MRM1: variants seen among roughly 807,000 people sequenced by gnomAD.
The protein encoded by MRM1 is mitochondrial rRNA methyltransferase 1, also known as rRNA methyltransferase 1, mitochondrial.
MRM1 carries 24 observed loss-of-function variants against 25.0 expected under a neutral mutation model. That is an observed-to-expected ratio of 0.96 (90% CI 0.69 to 1.35). The LOEUF is 1.35. Among genes scored for constraint, MRM1 ranks in the 40% most tolerant of loss-of-function variants. The pLI, the probability that MRM1 is intolerant of heterozygous loss-of-function variation, is 0.00. For synonymous variants in MRM1, 188 were observed against 199.2 expected, an observed-to-expected ratio of 0.94 and a Z score of 0.47; for missense variants, 431 against 464.1, an observed-to-expected ratio of 0.93 and a Z score of 0.65.
Position 36,601,587 on chromosome 17 carries a change from C to A in MRM1, c.-224C>A. On this transcript the variant is annotated 5_prime_UTR_variant, in exon 1 of 5. Coordinates refer to ENST00000614766, the MANE Select transcript of MRM1 (RefSeq NM_024864.5). ...GCCGGGGAGGGGCGGGCTCCCGAAC[C>A]CGGAAGCGAGGGACCCACGTGGGAG... The A allele has an allele frequency of 2.2e-6, 1 of 461,952 alleles. No individual in the cohort carries two copies. Among genetic ancestry groups the A allele is most frequent in the Non-Finnish European group, 3.8e-6 (1 of 266,642 alleles). 28.6% of individuals were successfully genotyped at this position (461,952 alleles called of 1,614,324 possible).
the MRM1 span, among the ~76,000 whole-genome samples, chr17:36,624,549 C>T: frequency 6.6e-6 from 1 of 152,188 alleles, no homozygotes; most frequent in African/African-American, 2.4e-5. This position sits in a 1 kb window ranked among gnomAD's most constrained non-coding sequence, Gnocchi z 4.0. Flanking sequence ...GCATGAGCAT[C>T]CATGAGCACG....
chr17:36,606,607 C>CTTT (rs71159627), intron 2 of MRM1, among the ~76,000 whole-genome samples: 7 of 142,812 alleles, frequency 4.9e-5, no homozygotes, highest in African/African-American at 1.8e-4. Flanking sequence ...TCAGGCTAGT[C>CTTT]TTTTTTTTTT....
chr17:36,602,251 G>A lies in MRM1; in HGVS notation c.441G>A (p.Trp147Ter), dbSNP rs780693186. 6.2e-7 allele frequency: 1 copy of A among 1,608,760 alleles called. No homozygotes were observed. The highest frequency in any genetic ancestry group is 8.5e-7 in the Non-Finnish European group (1 of 1,176,938). Residue 147 changes from tryptophan to a stop codon, truncating the protein, a stop_gained, in exon 1 of 5, where the codon TGG (tryptophan) becomes TGA (stop). Transcript: ENST00000614766. LOFTEE classifies it high-confidence loss of function. The surrounding 1 kb of genome is among the most constrained non-coding windows in gnomAD (Gnocchi z 4.1). ...ASPGDDPQQLWLVLDGIQDPR... is the reference protein window; with the variant it reads ...ASPGDDPQQL The stretch of plus-strand genomic sequence containing the variant: ...CAGGCGACGACCCCCAGCAGTTGTG[G>A]CTCGTCCTCGATGGGATCCAGGATC...
chr17:36,622,608 G>A, the MRM1 span, among the ~76,000 whole-genome samples: 1 of 152,046 alleles, frequency 6.6e-6, no homozygotes, highest in South Asian at 2.1e-4. Flanking sequence ...TCATATGGGG[G>A]CATCATTTCA....
chr17:36,609,120 C>T (rs2074958267), downstream of MRM1: 1 of 152,394 alleles, frequency 6.6e-6, no homozygotes, highest in East Asian at 1.9e-4. Context: ...CCCACGGGGG[C>T]CCCCCACGGG....
At chr17:36,613,869 G>A (rs915966360), downstream of MRM1, among the ~76,000 whole-genome samples, 4 of 152,004 alleles carry the variant, frequency 2.6e-5, no homozygotes, top group African/African-American at 9.7e-5. Context: ...AGACAGTGCC[G>A]GCTCCACATG....
chr17:36,629,431 G>C, the MRM1 span, among the ~76,000 whole-genome samples: 1 of 152,220 alleles, frequency 6.6e-6, no homozygotes, highest in Admixed American at 6.5e-5. Flanking sequence ...GCAGGCAGGG[G>C]TGCAGTGCCC....
At chr17:36,607,032 A>G (rs2074936132) in intron 2 of MRM1, among the ~76,000 whole-genome samples, 1 of 151,332 alleles carries the variant, frequency 6.6e-6, no homozygotes, top group Non-Finnish European at 1.5e-5. Context: ...CTCCTGCCTC[A>G]GCCTCCTGAG....
Position 36,601,942 on chromosome 17 carries a change from G to A in MRM1, c.132G>A (p.Val44=). Residue 44 remains valine (V), a synonymous_variant, in exon 1 of 5, where the codon GTG becomes GTA. Transcript: ENST00000614766. ...GCCGCTTGCTGCTGGATGACCTGGT[G>A]CCGACCTCTCGGCTGGAGCTTCTGT... ...ELSRLLLDDL[V]PTSRLELLFG... The A allele has an allele frequency of 1.2e-6, 2 of 1,613,106 alleles. No individual in the cohort carries two copies. The highest frequency in any genetic ancestry group is 1.7e-6 in the Non-Finnish European group (2 of 1,179,868).
chr17:36,603,405 A>G (rs950482528), intron 2 of MRM1: 4 of 172,608 alleles, frequency 2.3e-5, no homozygotes, highest in African/African-American at 4.8e-5. Flanking sequence ...ATTATTATTA[A>G]TATTATTAAT....
At chr17:36,630,088 C>T in the MRM1 span, among the ~76,000 whole-genome samples, 1 of 152,224 alleles carries the variant, frequency 6.6e-6, no homozygotes, top group Non-Finnish European at 1.5e-5. Context: ...CTAATCGTTT[C>T]TGCTTTCAGA....
chr17:36,604,856 T>C (rs1286936873), intron 2 of MRM1, among the ~76,000 whole-genome samples: 1 of 150,624 alleles, frequency 6.6e-6, no homozygotes, highest in Non-Finnish European at 1.5e-5. Flanking sequence ...AGATGGGGTC[T>C]TGGCCAGGCA....
the MRM1 span, among the ~76,000 whole-genome samples, chr17:36,633,756 G>A: frequency 6.6e-6 from 1 of 152,104 alleles, no homozygotes; most frequent in African/African-American, 2.4e-5. Flanking sequence ...AGCAGTCCCC[G>A]ATAGCAGCAG....
chr17:36,611,108 C>G (rs2074974496), downstream of MRM1, among the ~76,000 whole-genome samples: 1 of 152,230 alleles, frequency 6.6e-6, no homozygotes, highest in Non-Finnish European at 1.5e-5. Flanking sequence ...CACTACCATG[C>G]CCAGCCGATA....
Position 36,602,168 on chromosome 17 carries a change from T to G in MRM1, c.358T>G (p.Cys120Gly). ...MCRYQVHQGV[C>G]MEVSPLRPRP... ...CCGCTACCAGGTCCACCAGGGTGTC[T>G]GCATGGAGGTGAGCCCGCTGCGGCC... The change falls in exon 1 of 5, where the codon TGC (cysteine) becomes GGC (glycine). Residue 120 changes from cysteine (C) to glycine (G), a missense_variant. Physicochemically the swap from Cys to Gly is radical, Grantham distance 159. Transcript: ENST00000614766. The surrounding 1 kb of genome is among the most constrained non-coding windows in gnomAD (Gnocchi z 4.1). 2 of 1,612,246 alleles carry G rather than the reference T, an allele frequency of 1.2e-6. No homozygotes were observed. Among genetic ancestry groups the G allele is most frequent in the Non-Finnish European group, 1.7e-6 (2 of 1,178,982 alleles).
chr17:36,620,352 G>A, the MRM1 span, among the ~76,000 whole-genome samples: 2 of 152,162 alleles, frequency 1.3e-5, no homozygotes, highest in African/African-American at 4.8e-5. Flanking sequence ...AGGGAATGAT[G>A]ACGTGTTTAG....
At chr17:36,608,100 CTGTT>C (rs2074947746) in intron 4 of MRM1, 82 bp downstream of exon 4, 28 of 1,554,678 alleles carry the variant, frequency 1.8e-5, no homozygotes, top group Middle Eastern at 3.5e-4. Context: ...CATTTGCTGG[CTGTT>C]TGTGTGCCTC....
chr17:36,612,080 T>C (rs11263778), downstream of MRM1, among the ~76,000 whole-genome samples: 62,268 of 151,986 alleles, frequency 0.41, 14,105 homozygotes, highest in African/African-American at 0.6. Context: ...CAACATGGAA[T>C]TTAGAAGTTG....
the MRM1 span, among the ~76,000 whole-genome samples, chr17:36,617,984 G>A: frequency 6.6e-6 from 1 of 152,220 alleles, no homozygotes; most frequent in South Asian, 2.1e-4. Context: ...TATCGATTGG[G>A]GTGGGTGTTC....
Sources: allele counts gnomAD v4.1 joint callset (sites outside exome capture counted in the v4.1 genomes callset), GRCh38; gene constraint gnomAD v4.1.1; non-coding constraint Gnocchi (gnomAD v3.1); transcripts MANE v1.5; gene names NCBI Gene and HGNC (gene_info 2026-07-23, HGNC 2026-07-21).